VTI1A: variants seen among roughly 807,000 people sequenced by gnomAD.
VTI1A encodes vesicle transport through interaction with t-SNAREs homolog 1A.
Under a neutral mutation model 34.9 loss-of-function variants are expected in VTI1A, and 22 were observed. The ratio of observed to expected loss-of-function variants is 0.63; its 90% CI spans 0.45 to 0.90. The LOEUF (loss-of-function observed/expected upper bound fraction) is 0.90. VTI1A is among the 40% of genes least tolerant of loss of function. The pLI, the probability that VTI1A is intolerant of heterozygous loss-of-function variation, is 0.00. For synonymous variants in VTI1A, 87 were observed against 97.3 expected, an observed-to-expected ratio of 0.89 and a Z score of 0.62; for missense variants, 268 against 275.6, an observed-to-expected ratio of 0.97 and a Z score of 0.20.
At chr10:112,488,235 T>C (rs1310269114) in intron 3 of VTI1A, among the ~76,000 whole-genome samples, 1 of 152,244 alleles carries the variant, frequency 6.6e-6, no homozygotes, top group African/African-American at 2.4e-5. Flanking sequence ...CATTATATGC[T>C]ATTTTAGAGC....
intron 7 of VTI1A, among the ~76,000 whole-genome samples, chr10:112,672,138 C>T (rs550105727): frequency 1.6e-4 from 24 of 150,666 alleles, no homozygotes; most frequent in African/African-American, 3.7e-4. Context: ...ATAAAAAATA[C>T]GAGTTAAATG....
rs1024054873 is a variant in VTI1A, at chr10:112,636,189, G to A, written c.428-32029G>A. Among the ~76,000 whole-genome samples the A allele has an allele frequency of 1.4e-4, 22 of 152,154 alleles. 1 individual carries two copies. Among genetic ancestry groups the A allele is most frequent in the African/African-American group, 4.6e-4 (19 of 41,438 alleles). ...ATGAATACCTGTCAAAGTCAAGGCT[G>A]ACTCTTTCACTACAAACTTTGCCAT... On this transcript the variant is annotated intron_variant, in intron 5 of 7. Coordinates refer to ENST00000393077, the MANE Select transcript of VTI1A (RefSeq NM_145206.4).
chr10:112,825,452 G>GC, the VTI1A span: 261 of 152,008 alleles, frequency 1.7e-3, 2 homozygotes, highest in African/African-American at 6.1e-3. Flanking sequence ...TGAGCCTCTA[G>GC]CCCCCCCCAG....
At chr10:112,519,861 G>T (rs1200124015) in intron 3 of VTI1A, among the ~76,000 whole-genome samples, 1 of 152,028 alleles carries the variant, frequency 6.6e-6, no homozygotes, top group Non-Finnish European at 1.5e-5. Flanking sequence ...TAGATCACTT[G>T]AAACTGTGAC....
At chr10:112,584,626 G>A (rs531738539) in intron 5 of VTI1A, among the ~76,000 whole-genome samples, 1 of 152,168 alleles carries the variant, frequency 6.6e-6, no homozygotes, top group East Asian at 1.9e-4. Flanking sequence ...AATTGTGACC[G>A]ACAACAAACT....
At chr10:112,540,568 A>G (rs571871670) in intron 5 of VTI1A, among the ~76,000 whole-genome samples, 2 of 152,246 alleles carry the variant, frequency 1.3e-5, no homozygotes, top group African/African-American at 4.8e-5. Flanking sequence ...GATGAATTTG[A>G]AAGTGGAGTG....
At chr10:112,707,784 A>G (rs1346798542) in intron 7 of VTI1A, among the ~76,000 whole-genome samples, 7 of 152,224 alleles carry the variant, frequency 4.6e-5, no homozygotes, top group Non-Finnish European at 1.0e-4. Flanking sequence ...TTATTGTCCT[A>G]AATTGGAAGA....
chr10:112,712,474 T>TCTCACACACA (rs149858856), intron 7 of VTI1A, among the ~76,000 whole-genome samples: 14 of 143,406 alleles, frequency 9.8e-5, no homozygotes, highest in African/African-American at 3.7e-4. Flanking sequence ...TCAACTATTA[T>TCTCACACACA]CACACACACA....
chr10:112,602,622 A>C (rs573243174), intron 5 of VTI1A, among the ~76,000 whole-genome samples: 3 of 152,348 alleles, frequency 2.0e-5, no homozygotes, highest in South Asian at 2.1e-4. Flanking sequence ...TATTGGTGCT[A>C]ATGGATTTAT....
chr10:112,719,446 A>G lies in VTI1A; in HGVS notation c.560+50448A>G, dbSNP rs1310093997. ...GTTTTTTTAACAGCTTTATTGAGATATAATTTATATGTTATATAATGCGCC... is the reference window on the plus strand; with the variant it reads ...GTTTTTTTAACAGCTTTATTGAGATGTAATTTATATGTTATATAATGCGCC... On this transcript the variant is annotated intron_variant, in intron 7 of 7. Coordinates refer to ENST00000393077, the MANE Select transcript of VTI1A (RefSeq NM_145206.4). Among the ~76,000 whole-genome samples the G allele has an allele frequency of 2.0e-5, 3 of 152,206 alleles. No homozygotes were observed. The East Asian group carries it at 5.8e-4, about 29-fold the overall frequency.
intron 2 of VTI1A, 133 bp downstream of exon 2, chr10:112,460,715 A>T: frequency 1.5e-6 from 1 of 647,850 alleles, no homozygotes; most frequent in Non-Finnish European, 2.3e-6. Flanking sequence ...GAATTTGTCA[A>T]TTTTTAAATT....
intron 7 of VTI1A, among the ~76,000 whole-genome samples, chr10:112,805,026 A>G (rs1853023403): frequency 7.0e-6 from 1 of 142,882 alleles, no homozygotes; most frequent in Non-Finnish European, 1.5e-5. Flanking sequence ...ACGCCTGGCT[A>G]TTTTTTTTTT....
intron 7 of VTI1A, among the ~76,000 whole-genome samples, chr10:112,754,565 G>T (rs1367900870): frequency 6.6e-6 from 1 of 152,230 alleles, no homozygotes; most frequent in Non-Finnish European, 1.5e-5. Context: ...AAACTTTGAT[G>T]ATATAAAGCT....
chr10:112,565,464 TCA>T (rs1309377732), intron 5 of VTI1A, among the ~76,000 whole-genome samples: 2 of 152,304 alleles, frequency 1.3e-5, no homozygotes, highest in African/African-American at 4.8e-5. Flanking sequence ...ATATTTACTT[TCA>T]GTTTATTTTA....
chr10:112,492,276 T>C (rs1423851805), intron 3 of VTI1A, among the ~76,000 whole-genome samples: 3 of 152,190 alleles, frequency 2.0e-5, no homozygotes, highest in South Asian at 4.1e-4. Flanking sequence ...CTAATAGATA[T>C]TTGTGGACAC....
intron 5 of VTI1A, among the ~76,000 whole-genome samples, chr10:112,662,789 T>C (rs1363813639): frequency 6.6e-6 from 1 of 152,230 alleles, no homozygotes; most frequent in Non-Finnish European, 1.5e-5. Flanking sequence ...CGAAAACATT[T>C]GACACTGTCT....
chr10:112,464,921 T>G (rs1409495712), intron 3 of VTI1A, among the ~76,000 whole-genome samples: 3 of 152,182 alleles, frequency 2.0e-5, no homozygotes, highest in African/African-American at 7.2e-5. Flanking sequence ...TACTTAACAT[T>G]TATTAAAATT....
intron 5 of VTI1A, among the ~76,000 whole-genome samples, chr10:112,568,688 A>T (rs1851996499): frequency 6.6e-6 from 1 of 152,212 alleles, no homozygotes; most frequent in African/African-American, 2.4e-5. Flanking sequence ...CCAGCTAAGC[A>T]TGATCAGGTT....
At chr10:112,628,651 A>T (rs967259557) in intron 5 of VTI1A, among the ~76,000 whole-genome samples, 3 of 152,162 alleles carry the variant, frequency 2.0e-5, no homozygotes, top group Non-Finnish European at 4.4e-5. Context: ...TATTTTTATA[A>T]TGTCTGTTCT....
Sources: allele counts gnomAD v4.1 joint callset (sites outside exome capture counted in the v4.1 genomes callset), GRCh38; gene constraint gnomAD v4.1.1; transcripts MANE v1.5; gene names NCBI Gene and HGNC (gene_info 2026-07-23, HGNC 2026-07-21).